The following VAV3 variants were observed in gnomAD, a reference collection of about 807,000 sequenced individuals.
The protein encoded by VAV3 is vav guanine nucleotide exchange factor 3.
VAV3 carries 94 observed loss-of-function variants against 131.2 expected under a neutral mutation model. The ratio of observed to expected loss-of-function variants is 0.72; its 90% CI spans 0.61 to 0.85. VAV3 has a LOEUF of 0.85. Ranked by LOEUF, VAV3 falls within the 40% of genes least tolerant of loss-of-function variation. The pLI, the probability that VAV3 is intolerant of heterozygous loss-of-function variation, is 0.00. For missense variants in VAV3, 939 were observed against 1,002.7 expected (o/e 0.94, Z 0.86); for synonymous variants, 349 against 342.0 (o/e 1.02, Z -0.22).
intron 10 of VAV3, among the ~76,000 whole-genome samples, chr1:107,759,042 A>G (rs533458156): frequency 1.3e-5 from 2 of 152,170 alleles, no homozygotes; most frequent in African/African-American, 4.8e-5. Flanking sequence ...CCCTATACAT[A>G]ATTATTTAGG....
intron 25 of VAV3, among the ~76,000 whole-genome samples, chr1:107,585,791 A>C (rs1650436358): frequency 6.6e-6 from 1 of 152,190 alleles, no homozygotes; most frequent in Admixed American, 6.5e-5. Flanking sequence ...GCAATCTCCC[A>C]AACTCCCATT....
intron 1 of VAV3, among the ~76,000 whole-genome samples, chr1:107,894,238 T>C (rs908347491): frequency 1.3e-5 from 2 of 152,228 alleles, no homozygotes; most frequent in Non-Finnish European, 2.9e-5. Context: ...ACAGATCACT[T>C]TGAGAAAAGA....
At chr1:107,870,681 A>C (rs921565055) in intron 2 of VAV3, among the ~76,000 whole-genome samples, 2 of 152,008 alleles carry the variant, frequency 1.3e-5, no homozygotes, top group African/African-American at 2.4e-5. Context: ...CTCTCTCCCA[A>C]TAATGTTCTT....
At chr1:107,809,809 T>C (rs1395091746) in intron 2 of VAV3, among the ~76,000 whole-genome samples, 2 of 152,208 alleles carry the variant, frequency 1.3e-5, no homozygotes, top group Non-Finnish European at 2.9e-5. Context: ...CCAAACATTA[T>C]GACACTGAGA....
chr1:107,959,046 G>A (rs527748847), intron 1 of VAV3, among the ~76,000 whole-genome samples: 5 of 152,092 alleles, frequency 3.3e-5, no homozygotes, highest in Non-Finnish European at 2.9e-5. Context: ...CTGATGACCT[G>A]AGGTCTGAAG....
chr1:107,719,284 G>A (rs1320996611), intron 15 of VAV3, among the ~76,000 whole-genome samples: 4 of 151,934 alleles, frequency 2.6e-5, no homozygotes, highest in Admixed American at 1.3e-4. Context: ...TACAGAATGG[G>A]AGAAAATGTT....
At chr1:107,724,365 T>G (rs898906096) in intron 15 of VAV3, among the ~76,000 whole-genome samples, 3 of 151,970 alleles carry the variant, frequency 2.0e-5, no homozygotes, top group African/African-American at 7.3e-5. Flanking sequence ...TGAAGTTATA[T>G]GGCACTTACA....
chr1:107,905,303 C>CATCATCAAATTCTCTAA lies in VAV3; in HGVS notation c.205-30303_205-30287dup, dbSNP rs1672050726. On this transcript the variant is annotated intron_variant, in intron 1 of 26. Coordinates refer to ENST00000370056, the MANE Select transcript of VAV3 (RefSeq NM_006113.5). ...AAGATTTCCCATCCCAAATCATGGCCATCATCAAATTCTCTAAACTCCTGT... is the reference window on the plus strand; with the variant it reads ...AAGATTTCCCATCCCAAATCATGGCCATCATCAAATTCTCTAAATCATCAAATTCTCTAAACTCCTGT... Among the ~76,000 whole-genome samples, 4 of 152,168 alleles carry CATCATCAAATTCTCTAA rather than the reference C, an allele frequency of 2.6e-5. No homozygotes were observed. In the South Asian group the frequency reaches 8.3e-4, roughly 31 times the overall value.
rs568052853 is a variant in VAV3 at position 107,905,356 on chromosome 1, C to T, written c.205-30339G>A. Among the ~76,000 whole-genome samples the T allele has an allele frequency of 1.6e-4, 24 of 152,236 alleles. 1 individual carries two copies. The South Asian group carries it at 1.9e-3, about 12-fold the overall frequency. ...GCACATGGTTAAAGACTGGTATATG[C>T]GACCATATATTTACATGTATTTGTT... On this transcript the variant is annotated intron_variant, in intron 1 of 26. Transcript: ENST00000370056.
intron 1 of VAV3, among the ~76,000 whole-genome samples, chr1:107,924,632 C>T (rs558350404): frequency 3.9e-5 from 6 of 152,110 alleles, no homozygotes; most frequent in Non-Finnish European, 7.4e-5. Flanking sequence ...ACTGTAAATG[C>T]ATTGCATACA....
chr1:107,897,760 A>T (rs1370916773), intron 1 of VAV3, among the ~76,000 whole-genome samples: 1 of 151,846 alleles, frequency 6.6e-6, no homozygotes, highest in Non-Finnish European at 1.5e-5. Flanking sequence ...CTGAGATTAT[A>T]CTCTTCCTTC....
At chr1:107,659,126 A>G (rs975392235) in intron 19 of VAV3, among the ~76,000 whole-genome samples, 109 of 152,128 alleles carry the variant, frequency 7.2e-4, no homozygotes, top group African/African-American at 1.7e-3. Flanking sequence ...TAATTTTTGT[A>G]TAAGGTGTAA....
chr1:107,705,304 G>C (rs1421169595), intron 15 of VAV3, among the ~76,000 whole-genome samples: 1 of 149,622 alleles, frequency 6.7e-6, no homozygotes, highest in Non-Finnish European at 1.5e-5. Flanking sequence ...CCTCAGAATT[G>C]AGCATTCTCA....
intron 1 of VAV3, among the ~76,000 whole-genome samples, chr1:107,936,107 T>C (rs1673699588): frequency 6.6e-6 from 1 of 152,176 alleles, no homozygotes; most frequent in Admixed American, 6.5e-5. Flanking sequence ...ATTTTTAAAA[T>C]GTGAATTGAG....
At chr1:107,715,194 T>A (rs953651083) in intron 15 of VAV3, among the ~76,000 whole-genome samples, 1 of 152,282 alleles carries the variant, frequency 6.6e-6, no homozygotes, top group South Asian at 2.1e-4. Flanking sequence ...AAGAGGGATC[T>A]CACATTTGTT....
intron 15 of VAV3, among the ~76,000 whole-genome samples, chr1:107,744,589 T>TA (rs1391917919): frequency 6.6e-6 from 1 of 152,136 alleles, no homozygotes; most frequent in African/African-American, 2.4e-5. Flanking sequence ...TTTCTTTTTT[T>TA]AAAAAAACAA....
At chr1:107,784,552 A>G (rs1327933621) in intron 2 of VAV3, among the ~76,000 whole-genome samples, 1 of 152,206 alleles carries the variant, frequency 6.6e-6, no homozygotes, top group Non-Finnish European at 1.5e-5. Flanking sequence ...ATATTGCTTC[A>G]ATATGAAAAA....
chr1:107,647,084 T>C (rs779138743), intron 19 of VAV3, among the ~76,000 whole-genome samples: 11 of 151,718 alleles, frequency 7.3e-5, no homozygotes, highest in Non-Finnish European at 5.9e-5. Context: ...CAGCTAATTA[T>C]AGGAGCATCA....
chr1:107,638,778 G>A (rs780835543), intron 20 of VAV3, among the ~76,000 whole-genome samples: 9 of 152,046 alleles, frequency 5.9e-5, no homozygotes, highest in East Asian at 1.9e-4. Context: ...ACTTCAGGAC[G>A]TCTTATTAGC....
Sources: gnomAD v4.1 joint callset for allele counts (sites outside exome capture counted in the v4.1 genomes callset) on GRCh38, gnomAD v4.1.1 for gene constraint, MANE v1.5 for transcripts, NCBI Gene and HGNC (gene_info 2026-07-23, HGNC 2026-07-21) for gene names.